PCDHGA8: variants seen among roughly 807,000 people sequenced by gnomAD.
PCDHGA8 encodes the protein protocadherin gamma-A8.
PCDHGA8 carries 45 observed loss-of-function variants against 59.2 expected under a neutral mutation model. The observed-to-expected ratio is 0.76, with a 90% CI of 0.60 to 0.98. The LOEUF (loss-of-function observed/expected upper bound fraction) is 0.98, where lower values mean the gene tolerates loss of function less well. Ranked by LOEUF, PCDHGA8 falls within the 50% of genes least tolerant of loss-of-function variation. The pLI is 0.00. For synonymous variants in PCDHGA8, 531 were observed against 519.0 expected (o/e 1.02, Z -0.32); for missense variants, 1,257 against 1,196.2 (o/e 1.05, Z -0.75).
Position 141,421,822 on chromosome 5 carries a change from G to A in PCDHGA8, c.2424+26585G>A, listed in dbSNP as rs2096603648. On this transcript the variant is annotated intron_variant, in intron 1 of 3. Transcript: ENST00000398604. ...CAAGAATCCAGAGCTAGTACTGGAG[G>A]GAAGCCTGGACCGAGAGAAAGAGGC... 3.7e-6 allele frequency: 6 copies of A among 1,613,690 alleles called. No homozygotes were observed. The East Asian group carries it at 1.1e-4, about 30-fold the overall frequency.
At position 141,499,673 on chromosome 5, in the gene PCDHGA8, C is replaced by A. The variant is rs1193484216; in HGVS notation, c.2483+4808C>A. Among the ~76,000 whole-genome samples the A allele has an allele frequency of 2.7e-5, 4 of 150,550 alleles. No individual in the cohort carries two copies. In the East Asian group the frequency reaches 7.8e-4, roughly 29 times the overall value. On this transcript the variant is annotated intron_variant, in intron 2 of 3. Transcript: ENST00000398604. ...CATATAATTTCATCTTGGTCTCCACCATCTTTAACAGATGACTTTTTTTTT... is the reference window on the plus strand; with the variant it reads ...CATATAATTTCATCTTGGTCTCCACAATCTTTAACAGATGACTTTTTTTTT...
intron 1 of PCDHGA8, chr5:141,475,997 G>T: frequency 8.4e-7 from 1 of 1,184,406 alleles, no homozygotes; most frequent in Non-Finnish European, 1.2e-6. Flanking sequence ...CAAATCAACG[G>T]CATCCAGAAA....
chr5:141,468,939 G>A (rs2099186103), intron 1 of PCDHGA8, among the ~76,000 whole-genome samples: 1 of 144,350 alleles, frequency 6.9e-6, no homozygotes, highest in Non-Finnish European at 1.5e-5. Context: ...ATGGGAGATG[G>A]GGTAAACCTG....
At chr5:141,498,581 C>A (rs1281809549) in intron 2 of PCDHGA8, among the ~76,000 whole-genome samples, 1 of 152,104 alleles carries the variant, frequency 6.6e-6, no homozygotes, top group East Asian at 1.9e-4. Flanking sequence ...GTATTGAGTT[C>A]TTCAGTAAAC....
intron 1 of PCDHGA8, among the ~76,000 whole-genome samples, chr5:141,437,741 C>CTTT (rs35124340): frequency 4.2e-5 from 6 of 141,750 alleles, no homozygotes; most frequent in Admixed American, 7.0e-5. Flanking sequence ...TTGAGTTCAC[C>CTTT]TTTTTTTTTT....
Position 141,393,121 on chromosome 5 carries a change from T to C in PCDHGA8, c.308T>C (p.Leu103Pro). The C allele has an allele frequency of 6.2e-7, 1 of 1,613,428 alleles. No individual in the cohort carries two copies. Among genetic ancestry groups the C allele is most frequent in the Non-Finnish European group, 8.5e-7 (1 of 1,179,892 alleles). Residue 103 changes from leucine (L) to proline (P), a missense_variant, in exon 1 of 4, where the codon CTG becomes CCG. Transcript: ENST00000398604. Reference sequence around the variant, plus strand: ...CTCTGCGCTCAGAGCCCGCGGTGTCTGATAAATATTAACACCCTGGTTGAG... The same window carrying C: ...CTCTGCGCTCAGAGCCCGCGGTGTCCGATAAATATTAACACCCTGGTTGAG... Reference protein sequence around the residue: ...EELCAQSPRCLININTLVEDK... With the variant: ...EELCAQSPRCPININTLVEDK...
Position 141,393,169 on chromosome 5 carries a change from T to A in PCDHGA8, c.356T>A (p.Val119Glu). The change falls in exon 1 of 4, where the codon GTA becomes GAA. Residue 119 changes from valine (V) to glutamate (E), a missense_variant. Coordinates refer to ENST00000398604, the MANE Select transcript of PCDHGA8 (RefSeq NM_032088.2). ...LVEDKGKLFG[V>E]EIEIIDINDN... ...GAGGATAAAGGAAAACTCTTTGGGGTAGAAATAGAAATAATTGATATTAAC... is the reference window on the plus strand; with the variant it reads ...GAGGATAAAGGAAAACTCTTTGGGGAAGAAATAGAAATAATTGATATTAAC... 1 of 1,613,090 alleles carries A rather than the reference T, an allele frequency of 6.2e-7. No individual in the cohort carries two copies. Among genetic ancestry groups the A allele is most frequent in the African/African-American group, 1.3e-5 (1 of 74,998 alleles).
intron 2 of PCDHGA8, among the ~76,000 whole-genome samples, chr5:141,504,859 C>T (rs1396681670): frequency 6.6e-6 from 1 of 152,090 alleles, no homozygotes; most frequent in African/African-American, 2.4e-5. Context: ...TCTTCCATTT[C>T]CCACCTTCAC....
chr5:141,417,701 C>T (rs1382264857), intron 1 of PCDHGA8: 1 of 1,192,516 alleles, frequency 8.4e-7, no homozygotes, highest in Admixed American at 3.0e-5. Flanking sequence ...CCAGCTCCCA[C>T]ACAGAGGCTC....
In PCDHGA8 at chr5:141,431,141, G is replaced by A. The variant is rs1262504427; in HGVS notation, c.2424+35904G>A. 24 of 1,614,212 alleles carry A rather than the reference G, an allele frequency of 1.5e-5. No individual in the cohort carries two copies. The highest frequency in any genetic ancestry group is 2.0e-5 in the Non-Finnish European group (24 of 1,180,030). On this transcript the variant is annotated intron_variant, in intron 1 of 3. Coordinates refer to ENST00000398604, the MANE Select transcript of PCDHGA8 (RefSeq NM_032088.2). The surrounding 1 kb of genome is among the most constrained non-coding windows in gnomAD (Gnocchi z 4.8). ...AGAAGTAGAAGTAAGGGACATTAAC[G>A]ACAATGCGCCTTACTTTCGTGAAAG...
At chr5:141,414,811 C>T in intron 1 of PCDHGA8, 3 of 1,614,254 alleles carry the variant, frequency 1.9e-6, no homozygotes, top group Non-Finnish European at 2.5e-6. Context: ...GGATCCTCCA[C>T]TCAGCAGCAA....
intron 1 of PCDHGA8, chr5:141,409,534 C>A (rs774144232): frequency 3.1e-6 from 5 of 1,613,986 alleles, no homozygotes; most frequent in Non-Finnish European, 4.2e-6. Flanking sequence ...ATGTCGCTGA[C>A]ATCAACGACA....
At chr5:141,470,983 C>G (rs1486663328) in intron 1 of PCDHGA8, among the ~76,000 whole-genome samples, 2 of 151,528 alleles carry the variant, frequency 1.3e-5, no homozygotes, top group African/African-American at 4.9e-5. Context: ...TCCCAAAGTG[C>G]TGGGACTACA....
chr5:141,444,588 A>G (rs1486905298), intron 1 of PCDHGA8, among the ~76,000 whole-genome samples: 1 of 152,138 alleles, frequency 6.6e-6, no homozygotes, highest in Non-Finnish European at 1.5e-5. Flanking sequence ...CTTTCTACTT[A>G]CCTTATTTAA....
At chr5:141,471,743 C>T (rs769600930) in intron 1 of PCDHGA8, among the ~76,000 whole-genome samples, 2 of 152,142 alleles carry the variant, frequency 1.3e-5, no homozygotes, top group Non-Finnish European at 2.9e-5. Flanking sequence ...GGAGACATAA[C>T]ATATTTGAGG....
In PCDHGA8 at chr5:141,414,957, G is replaced by C. The variant is rs550492051; in HGVS notation, c.2424+19720G>C. 9.2e-5 allele frequency: 148 copies of C among 1,614,018 alleles called. No homozygotes were observed. Among genetic ancestry groups the C allele is most frequent in the Non-Finnish European group, 1.2e-4 (144 of 1,180,044 alleles). ...CAGAGCCCGGCTACCTGGTGACCAA[G>C]GTGGTGGCGGTGGACAGAGACTCCG... is the stretch of plus-strand genomic sequence containing the variant. On this transcript the variant is annotated intron_variant, in intron 1 of 3. Coordinates refer to ENST00000398604, the MANE Select transcript of PCDHGA8 (RefSeq NM_032088.2).
At chr5:141,414,285 A>G (rs766515802) in intron 1 of PCDHGA8, 1 of 1,613,634 alleles carries the variant, frequency 6.2e-7, no homozygotes, top group East Asian at 2.2e-5. Context: ...GAACAGTCGT[A>G]GCCCTTTTAA....
intron 1 of PCDHGA8, among the ~76,000 whole-genome samples, chr5:141,466,534 T>C (rs1343781541): frequency 6.6e-6 from 1 of 152,214 alleles, no homozygotes; most frequent in Non-Finnish European, 1.5e-5. Flanking sequence ...CAAATTGATG[T>C]AGATGGTCTT....
intron 1 of PCDHGA8, among the ~76,000 whole-genome samples, chr5:141,436,328 A>G (rs146180035): frequency 6.6e-6 from 1 of 152,326 alleles, no homozygotes; most frequent in East Asian, 1.9e-4. Flanking sequence ...CTGTTAGACC[A>G]TATCTCAAAT....
Sources: gnomAD v4.1 joint callset for allele counts (sites outside exome capture counted in the v4.1 genomes callset) on GRCh38, gnomAD v4.1.1 for gene constraint, Gnocchi (gnomAD v3.1) non-coding constraint, MANE v1.5 for transcripts, NCBI Gene and HGNC (gene_info 2026-07-23, HGNC 2026-07-21) for gene names.